The following DMD variants were observed in gnomAD, a reference collection of about 807,000 sequenced individuals.
DMD encodes dystrophin.
Under a neutral mutation model 330.1 loss-of-function variants are expected in DMD, and 63 were observed. That is an observed-to-expected ratio of 0.19 (90% CI 0.16 to 0.24). DMD has a LOEUF of 0.24. DMD is among the 10% of genes least tolerant of loss of function. The pLI is 1.00. For synonymous variants in DMD, 1,223 were observed against 959.8 expected, an observed-to-expected ratio of 1.27 and a Z score of -5.07; for missense variants, 3,344 against 2,684.1, an observed-to-expected ratio of 1.25 and a Z score of -5.43.
intron 44 of DMD, among the ~76,000 whole-genome samples, chrX:32,015,328 G>C (rs1569532207): frequency 9.0e-6 from 1 of 111,620 alleles, no homozygotes; most frequent in Admixed American, 9.5e-5. Flanking sequence ...TAGTAGGCTT[G>C]GGGTGGGGCC....
intron 60 of DMD, among the ~76,000 whole-genome samples, chrX:31,433,276 G>A (rs1490140572): frequency 2.7e-5 from 3 of 111,196 alleles, no homozygotes; most frequent in East Asian, 2.8e-4. Flanking sequence ...TATATGCCAC[G>A]TTTTCTTTAT....
chrX:31,706,567 G>A lies in DMD; in HGVS notation c.7660+23064C>T, dbSNP rs1165452931. On this transcript the variant is annotated intron_variant, in intron 52 of 78. Coordinates refer to ENST00000357033, the MANE Select transcript of DMD (RefSeq NM_004006.3). The stretch of plus-strand genomic sequence containing the variant: ...CTGAGTTTATCAACATTTTTTTTTG[G>A]TTACGTCAGACTCTAGTTTTCCTAT... 2.8e-5 allele frequency among the ~76,000 whole-genome samples: 3 copies of A among 108,878 alleles called. No homozygotes were observed. The East Asian group carries it at 8.6e-4, about 31-fold the overall frequency. The allele number at this position is 108,878 out of a possible 115,157, so 94.5% of individuals were successfully genotyped here. A position where few individuals can be genotyped will look rare whatever the true frequency, so the allele number is the denominator to read the frequency against.
intron 17 of DMD, among the ~76,000 whole-genome samples, chrX:32,532,179 G>T (rs906858679): frequency 9.0e-6 from 1 of 111,523 alleles, no homozygotes; most frequent in Non-Finnish European, 1.9e-5. Flanking sequence ...ACTTATTTTT[G>T]ATGCTGAAAA....
At chrX:32,523,575 G>A (rs2148835782) in intron 17 of DMD, among the ~76,000 whole-genome samples, 1 of 112,263 alleles carries the variant, frequency 8.9e-6, no homozygotes, top group East Asian at 2.8e-4. Flanking sequence ...ATTACTATCA[G>A]ATCATTCCCT....
intron 1 of DMD, among the ~76,000 whole-genome samples, chrX:33,031,578 C>A (rs756802851): frequency 9.0e-6 from 1 of 110,964 alleles, no homozygotes; most frequent in East Asian, 2.8e-4. Flanking sequence ...CGAGACCAGC[C>A]TGATCAACGC....
intron 48 of DMD, among the ~76,000 whole-genome samples, chrX:31,854,262 G>A (rs1038158850): frequency 2.7e-5 from 3 of 111,522 alleles, no homozygotes; most frequent in Non-Finnish European, 5.6e-5. Flanking sequence ...AAATGATAGC[G>A]TGTCATAGTC....
At chrX:33,008,884 A>G (rs867801738) in intron 2 of DMD, among the ~76,000 whole-genome samples, 1 of 47,389 alleles carries the variant, frequency 2.1e-5, no homozygotes, top group Non-Finnish European at 5.0e-5. Context: ...ATATATGTAT[A>G]TATACGTGTA....
intron 1 of DMD, among the ~76,000 whole-genome samples, chrX:33,040,026 AAAG>A (rs2094272650): frequency 9.0e-6 from 1 of 111,167 alleles, no homozygotes; most frequent in Non-Finnish European, 1.9e-5. Context: ...GGAGCAGGAA[AAAG>A]AAAATAGCTC....
Position 33,051,646 on chromosome X carries a change from A to ATTTTTTTTTTTTTTT in DMD, c.32-31461_32-31447dup, listed in dbSNP as rs754035822. 1.1e-3 allele frequency among the ~76,000 whole-genome samples: 79 copies of ATTTTTTTTTTTTTTT among 71,918 alleles called. 11 individuals carry two copies. Among genetic ancestry groups the ATTTTTTTTTTTTTTT allele is most frequent in the African/African-American group, 5.1e-3 (78 of 15,367 alleles). 62.5% of individuals were successfully genotyped at this position (71,918 alleles called of 115,157 possible). ...TAAGGAAAATATATAATTACGCTCTATTTTTTTTTTTTTTTTTTTGAGACG... is the reference window on the plus strand; with the variant it reads ...TAAGGAAAATATATAATTACGCTCTATTTTTTTTTTTTTTTTTTTTTTTTTTTTTTTTTTGAGACG... On this transcript the variant is annotated intron_variant, in intron 1 of 78. Coordinates refer to ENST00000357033, the MANE Select transcript of DMD (RefSeq NM_004006.3).
chrX:31,138,292 C>T lies in DMD; in HGVS notation c.10922-4098G>A, dbSNP rs73210560. Among the ~76,000 whole-genome samples, 426 of 111,389 alleles carry T rather than the reference C, an allele frequency of 3.8e-3. 1 individual carries two copies. Among genetic ancestry groups the T allele is most frequent in the East Asian group, 7.9e-3 (28 of 3,546 alleles). On this transcript the variant is annotated intron_variant, in intron 76 of 78. Coordinates refer to ENST00000357033, the MANE Select transcript of DMD (RefSeq NM_004006.3). ...CAAAAGTTCAGCCAAACAACAGATG[C>T]GTGAATGAGAAATATGCAACTTGAG...
chrX:32,553,070 T>C (rs2049765306), intron 16 of DMD, among the ~76,000 whole-genome samples: 1 of 112,011 alleles, frequency 8.9e-6, no homozygotes, highest in Non-Finnish European at 1.9e-5. Context: ...TTATTGGGTA[T>C]ACCAAGAAGA....
chrX:32,686,559 CAAA>C (rs750534167), intron 9 of DMD, among the ~76,000 whole-genome samples: 1,208 of 28,495 alleles, frequency 0.042, 11 homozygotes, highest in African/African-American at 0.16. Context: ...AACTCCATCT[CAAA>C]AAAAAAAAAA....
At chrX:32,117,937 T>C (rs2146715740) in intron 44 of DMD, among the ~76,000 whole-genome samples, 1 of 111,191 alleles carries the variant, frequency 9.0e-6, no homozygotes, top group South Asian at 3.9e-4. Context: ...TCAGAGGGCA[T>C]GTGGAGCAAC....
chrX:32,971,296 C>T (rs1249620322), intron 2 of DMD, among the ~76,000 whole-genome samples: 1 of 111,414 alleles, frequency 9.0e-6, no homozygotes, highest in Non-Finnish European at 1.9e-5. Context: ...CAAGATTGTG[C>T]TGTATTTTTT....
At chrX:31,788,269 G>C (rs771839168) in intron 50 of DMD, among the ~76,000 whole-genome samples, 1 of 112,078 alleles carries the variant, frequency 8.9e-6, no homozygotes, top group South Asian at 3.7e-4. Flanking sequence ...AGAAAGATCT[G>C]TGAAGCTGTA....
Position 31,627,709 on chromosome X carries a change from G to A in DMD, c.8181C>T (p.Asp2727=), listed in dbSNP as rs767417979. The change falls in exon 55 of 79, where the codon GAC becomes GAT. Residue 2727 remains aspartate (D), a synonymous_variant. Transcript: ENST00000357033. ...DATRKERLLE[D]SKGVKELMKQ... is the part of the protein sequence containing the mutation. ...TCATCAGCTCTTTTACTCCCTTGGA[G>A]TCTTCTAGGAGCCTTTCCTTACGGG... The A allele has an allele frequency of 2.5e-6, 3 of 1,211,483 alleles. No individual in the cohort carries two copies. The highest frequency in any genetic ancestry group is 3.4e-6 in the Non-Finnish European group (3 of 895,435).
At chrX:31,527,375 T>C (rs746851624) in intron 55 of DMD, among the ~76,000 whole-genome samples, 1 of 112,012 alleles carries the variant, frequency 8.9e-6, no homozygotes, top group East Asian at 2.8e-4. Context: ...GCAGCTAGTG[T>C]TCTGATTATG....
chrX:32,316,706 TATACA>T (rs2097583596), intron 41 of DMD, among the ~76,000 whole-genome samples: 1 of 111,591 alleles, frequency 9.0e-6, no homozygotes, highest in South Asian at 3.7e-4. Flanking sequence ...CAATCTGATA[TATACA>T]ATAATGTTTA....
chrX:31,663,392 C>T (rs1025221021), intron 53 of DMD, among the ~76,000 whole-genome samples: 100 of 111,061 alleles, frequency 9.0e-4, no homozygotes, highest in African/African-American at 3.1e-3. Context: ...GGTTTGTCAG[C>T]TCCTTCATTC....
Sources: gnomAD v4.1 joint callset for allele counts (sites outside exome capture counted in the v4.1 genomes callset) on GRCh38, gnomAD v4.1.1 for gene constraint, MANE v1.5 for transcripts, NCBI Gene and HGNC (gene_info 2026-07-23, HGNC 2026-07-21) for gene names.